Variants in COX7B2 observed in about 807,000 individuals in gnomAD.
The protein encoded by COX7B2 is cytochrome c oxidase subunit 7B2.
For synonymous variants in COX7B2, 37 were observed against 32.1 expected (o/e 1.15, Z -0.51); for missense variants, 109 against 95.9 (o/e 1.14, Z -0.57).
intron 2 of COX7B2, among the ~76,000 whole-genome samples, chr4:46,743,761 C>CT (rs1012325941): frequency 6.6e-6 from 1 of 152,174 alleles, no homozygotes; most frequent in Admixed American, 6.5e-5. Context: ...ACATGCCATG[C>CT]TTTTTTTCCC....
intron 2 of COX7B2, among the ~76,000 whole-genome samples, chr4:46,765,325 G>A (rs1048959429): frequency 5.8e-5 from 4 of 69,048 alleles, no homozygotes; most frequent in African/African-American, 9.3e-5. Flanking sequence ...CATTGCAGGC[G>A]TAAGGAGAGT....
intron 2 of COX7B2, among the ~76,000 whole-genome samples, chr4:46,844,293 G>A (rs1485968861): frequency 6.6e-6 from 1 of 151,818 alleles, no homozygotes; most frequent in Non-Finnish European, 1.5e-5. Flanking sequence ...AGGAAGTTTA[G>A]GAATTAAATA....
intron 2 of COX7B2, among the ~76,000 whole-genome samples, chr4:46,768,129 AG>A (rs1716656151): frequency 6.6e-6 from 1 of 152,226 alleles, no homozygotes; most frequent in African/African-American, 2.4e-5. Flanking sequence ...CTCACTGGAG[AG>A]TCAGTGTGAC....
chr4:46,762,231 A>C (rs1056638429), intron 2 of COX7B2, among the ~76,000 whole-genome samples: 1 of 142,922 alleles, frequency 7.0e-6, no homozygotes, highest in Non-Finnish European at 1.5e-5. Context: ...TATTATTTAT[A>C]TATTAAATAT....
rs533729546 is a variant in COX7B2 at position 46,869,826 on chromosome 4, G to A, written c.-104-24812C>T. On this transcript the variant is annotated intron_variant, in intron 1 of 2. Coordinates refer to ENST00000355591, the MANE Select transcript of COX7B2 (RefSeq NM_130902.3). Reference sequence around the variant, plus strand: ...TTAAATTATTTCTTTAATTTTGGCCGTGGAAAATCTGATGATTATGTGTCT... The same window carrying A: ...TTAAATTATTTCTTTAATTTTGGCCATGGAAAATCTGATGATTATGTGTCT... 9.2e-5 allele frequency among the ~76,000 whole-genome samples: 14 copies of A among 152,090 alleles called. No individual in the cohort carries two copies. The South Asian group carries it at 2.3e-3, about 25-fold the overall frequency.
chr4:46,832,631 T>C (rs917326135), intron 2 of COX7B2, among the ~76,000 whole-genome samples: 1 of 152,122 alleles, frequency 6.6e-6, no homozygotes, highest in Non-Finnish European at 1.5e-5. Context: ...GGAGGTGGTA[T>C]CTAGAGGGAG....
chr4:46,900,429 T>G (rs1254094366), intron 1 of COX7B2, among the ~76,000 whole-genome samples: 1 of 152,172 alleles, frequency 6.6e-6, no homozygotes, highest in Admixed American at 6.6e-5. Flanking sequence ...ATGGGTAGTT[T>G]GGCTTCTTGA....
At chr4:46,833,942 A>G (rs967140236) in intron 2 of COX7B2, among the ~76,000 whole-genome samples, 8 of 152,192 alleles carry the variant, frequency 5.3e-5, no homozygotes, top group African/African-American at 1.9e-4. Context: ...GAATGTAAAG[A>G]TGTAGCTATA....
rs112663581 is a variant in COX7B2, at chr4:46,748,624, C to T, written c.-49-13383G>A. ...CCAAAGGTCAATGGACTCTCTATCC[C>T]GCAAAATGAACATTTTAGATCACTT... On this transcript the variant is annotated intron_variant, in intron 2 of 2. Coordinates refer to ENST00000355591, the MANE Select transcript of COX7B2 (RefSeq NM_130902.3). Among the ~76,000 whole-genome samples the T allele has an allele frequency of 3.2e-3, 480 of 152,266 alleles. 4 individuals carry two copies. The highest frequency in any genetic ancestry group is 0.011 in the African/African-American group (443 of 41,556).
intron 2 of COX7B2, among the ~76,000 whole-genome samples, chr4:46,738,231 A>T (rs1242438590): frequency 6.6e-6 from 1 of 151,900 alleles, no homozygotes; most frequent in African/African-American, 2.4e-5. Flanking sequence ...AATTGATTTC[A>T]TTTTTCTTAT....
intron 2 of COX7B2, among the ~76,000 whole-genome samples, chr4:46,742,270 T>TGCTTTTATTTCCACTC (rs1333964650): frequency 1.3e-5 from 2 of 152,164 alleles, no homozygotes; most frequent in African/African-American, 4.8e-5. Flanking sequence ...GATTTCCACT[T>TGCTTTTATTTCCACTC]GCTTTTATTT....
chr4:46,762,941 C>T (rs1416968391), intron 2 of COX7B2, among the ~76,000 whole-genome samples: 1 of 123,670 alleles, frequency 8.1e-6, no homozygotes, highest in East Asian at 2.3e-4. Flanking sequence ...ATATATACCA[C>T]ATATATATGT....
At chr4:46,835,235 C>T (rs976994078) in intron 2 of COX7B2, among the ~76,000 whole-genome samples, 1 of 151,952 alleles carries the variant, frequency 6.6e-6, no homozygotes, top group East Asian at 1.9e-4. Context: ...TACAAATGCA[C>T]CTAGTTTTAA....
At chr4:46,807,129 C>G (rs1320582981) in intron 2 of COX7B2, among the ~76,000 whole-genome samples, 2 of 151,816 alleles carry the variant, frequency 1.3e-5, no homozygotes, top group African/African-American at 4.8e-5. Context: ...AATCGACAGT[C>G]CCACAGTGTA....
intron 2 of COX7B2, among the ~76,000 whole-genome samples, chr4:46,830,823 T>C (rs1277169032): frequency 6.6e-6 from 1 of 152,234 alleles, no homozygotes; most frequent in Admixed American, 6.5e-5. Flanking sequence ...GGCATTAATG[T>C]ACAGTCATCT....
At chr4:46,887,528 G>A (rs952689211) in intron 1 of COX7B2, among the ~76,000 whole-genome samples, 4 of 151,866 alleles carry the variant, frequency 2.6e-5, no homozygotes, top group Admixed American at 6.6e-5. Flanking sequence ...TGGCTAACAC[G>A]GTGAAGCCCC....
intron 1 of COX7B2, among the ~76,000 whole-genome samples, chr4:46,847,737 G>A (rs1170417239): frequency 6.6e-6 from 1 of 151,918 alleles, no homozygotes; most frequent in Non-Finnish European, 1.5e-5. Context: ...GAGGTAAGAG[G>A]AAAACCAAGA....
chr4:46,776,322 A>C (rs369604944), intron 2 of COX7B2, among the ~76,000 whole-genome samples: 1 of 151,968 alleles, frequency 6.6e-6, no homozygotes, highest in Admixed American at 6.6e-5. Flanking sequence ...ATTTCCTGTT[A>C]AAATATCTGG....
intron 1 of COX7B2, among the ~76,000 whole-genome samples, chr4:46,871,226 AAAAC>A (rs1422334103): frequency 1.3e-5 from 2 of 152,224 alleles, no homozygotes; most frequent in African/African-American, 4.8e-5. Context: ...AAACCTGACA[AAAAC>A]AAGCAACAGG....
Sources: allele counts gnomAD v4.1 joint callset (sites outside exome capture counted in the v4.1 genomes callset), GRCh38; gene constraint gnomAD v4.1.1; transcripts MANE v1.5; gene names NCBI Gene and HGNC (gene_info 2026-07-23, HGNC 2026-07-21).